Variants in FASTKD2 observed in about 807,000 individuals in gnomAD.
FASTKD2 encodes the protein FAST kinase domain-containing protein 2, mitochondrial.
A neutral mutation model predicts 63.6 loss-of-function variants in FASTKD2; 51 were observed. The observed-to-expected ratio is 0.80, with a 90% CI of 0.64 to 1.01. FASTKD2 has a LOEUF of 1.01. Among genes scored for constraint, FASTKD2 ranks in the 50% least tolerant of loss-of-function variants. The pLI is 0.00. For missense variants in FASTKD2, 786 were observed against 831.1 expected (o/e 0.95, Z 0.67); for synonymous variants, 284 against 293.4 (o/e 0.97, Z 0.33).
At chr2:206,775,325 A>C (rs1288866800) in intron 7 of FASTKD2, among the ~76,000 whole-genome samples, 1 of 131,096 alleles carries the variant, frequency 7.6e-6, no homozygotes, top group African/African-American at 3.0e-5. Flanking sequence ...TACTTTTACC[A>C]AATGCCTTTT....
At chr2:206,767,706 T>C (rs1219040389) in intron 2 of FASTKD2, among the ~76,000 whole-genome samples, 2 of 152,114 alleles carry the variant, frequency 1.3e-5, no homozygotes, top group South Asian at 2.1e-4. Context: ...CAGGGTTGAG[T>C]AGTGGTGAAG....
chr2:206,777,994 A>G (rs1689868306), intron 7 of FASTKD2, among the ~76,000 whole-genome samples: 2 of 151,508 alleles, frequency 1.3e-5, no homozygotes, highest in Non-Finnish European at 1.5e-5. Flanking sequence ...ATTGGTTTTT[A>G]TTTCTAGTTA....
chr2:206,771,199 A>G lies in FASTKD2; in HGVS notation c.899A>G (p.Gln300Arg), dbSNP rs777438143. 1 of 1,593,794 alleles carries G rather than the reference A, an allele frequency of 6.3e-7. No individual in the cohort carries two copies. The change falls in exon 4 of 12, where the codon CAA becomes CGA. Residue 300 changes from glutamine to arginine, a missense_variant. Coordinates refer to ENST00000402774, the MANE Select transcript of FASTKD2 (RefSeq NM_001136193.2). ...RTGFRILVDQ[Q>R]VWKIEDVFTL... ...GATAACAGAATACTAGTTGATCAGC[A>G]AGTTTGGAAAATAGAAGATGTCTTC...
In FASTKD2 at chr2:206,767,329, A is replaced by G. The variant is rs565809308; in HGVS notation, c.636A>G (p.Ala212=). 13 of 1,614,202 alleles carry G rather than the reference A, an allele frequency of 8.1e-6. No individual in the cohort carries two copies. The highest frequency in any genetic ancestry group is 1.1e-5 in the South Asian group (1 of 91,086). ...FEKRLMFSHP[A]FNQLCEHMMR... ...AACGACTGATGTTTAGCCACCCTGC[A>G]TTTAATCAGCTCTGTGAACATATGA... is the stretch of plus-strand genomic sequence containing the variant. Residue 212 remains alanine, a synonymous_variant, in exon 2 of 12, where the codon GCA becomes GCG. Coordinates refer to ENST00000402774, the MANE Select transcript of FASTKD2 (RefSeq NM_001136193.2).
intron 7 of FASTKD2, among the ~76,000 whole-genome samples, chr2:206,774,953 C>T (rs555488164): frequency 6.6e-6 from 1 of 152,112 alleles, no homozygotes; most frequent in Non-Finnish European, 1.5e-5. Context: ...ATCTCTGTTT[C>T]TATGACTGAC....
In FASTKD2 at chr2:206,788,986, A is replaced by G. The variant is rs186082272; in HGVS notation, c.1898+83A>G. ...GACTTCATATTAAATAGCAGTAGTA[A>G]ATCTAAGACTTGATGTTTGTATGGA... On this transcript the variant is annotated intron_variant, in intron 10 of 11. Coordinates refer to ENST00000402774, the MANE Select transcript of FASTKD2 (RefSeq NM_001136193.2). 1.1e-3 allele frequency: 824 copies of G among 772,428 alleles called. 6 individuals are homozygous for G. In the African/African-American group the frequency reaches 0.013, roughly 12 times the overall value. 47.8% of individuals were successfully genotyped at this position (772,428 alleles called of 1,614,324 possible).
At position 206,795,449 on chromosome 2, in the gene FASTKD2, G is replaced by T. The variant is rs1690423305; in HGVS notation, c.*3647G>T. On this transcript the variant is annotated 3_prime_UTR_variant, in exon 12 of 12. Coordinates refer to ENST00000402774, the MANE Select transcript of FASTKD2 (RefSeq NM_001136193.2). The stretch of plus-strand genomic sequence containing the variant: ...GGGTTTCACCATGTTAGCCAGGATG[G>T]TCTCGATCTCCTGACCTTGCGATCT... 1.3e-5 allele frequency among the ~76,000 whole-genome samples: 2 copies of T among 152,186 alleles called. No individual in the cohort carries two copies. The highest frequency in any genetic ancestry group is 2.4e-5 in the African/African-American group (1 of 41,450).
chr2:206,788,974 A>G, intron 10 of FASTKD2, 71 bp downstream of exon 10: 1 of 819,312 alleles, frequency 1.2e-6, no homozygotes, highest in African/African-American at 1.7e-5. Flanking sequence ...TTCATATTAA[A>G]TAGCAGTAGT....
At chr2:206,786,414 T>A (rs1690139814) in intron 7 of FASTKD2, among the ~76,000 whole-genome samples, 1 of 152,250 alleles carries the variant, frequency 6.6e-6, no homozygotes, top group Admixed American at 6.5e-5. Context: ...CTTCCTTGTC[T>A]GTGTGTTCTT....
At position 206,788,864 on chromosome 2, in the gene FASTKD2, T is replaced by C; in HGVS notation, c.1859T>C (p.Leu620Pro). Reference protein sequence around the residue: ...MDTNRNQVLPLSDVDTTSATD... With the variant: ...MDTNRNQVLPPSDVDTTSATD... ...ACTAACAGGAATCAAGTGCTACCAC[T>C]TTCTGATGTGGATACAACTTCTGCT... Residue 620 changes from leucine to proline, a missense_variant, in exon 10 of 12, where the codon CTT (leucine) becomes CCT (proline). By Grantham distance (98) the Leu-to-Pro change is moderately conservative. Coordinates refer to ENST00000402774, the MANE Select transcript of FASTKD2 (RefSeq NM_001136193.2). 7 of 1,587,402 alleles carry C rather than the reference T, an allele frequency of 4.4e-6. No individual in the cohort carries two copies. Among genetic ancestry groups the C allele is most frequent in the Non-Finnish European group, 5.2e-6 (6 of 1,156,064 alleles).
intron 7 of FASTKD2, among the ~76,000 whole-genome samples, chr2:206,782,243 G>A (rs900349235): frequency 3.9e-5 from 6 of 152,202 alleles, no homozygotes; most frequent in African/African-American, 7.2e-5. Flanking sequence ...GAGCTGTGCC[G>A]GCTTTGGGGA....
In FASTKD2 at chr2:206,765,641, T is replaced by G. The variant is rs1574658871; in HGVS notation, c.-157T>G. 4.8e-6 allele frequency: 3 copies of G among 624,616 alleles called. No individual in the cohort carries two copies. Among genetic ancestry groups the G allele is most frequent in the Non-Finnish European group, 6.1e-6 (3 of 489,106 alleles). 38.7% of individuals were successfully genotyped at this position (624,616 alleles called of 1,614,324 possible). ...TGGCTGCTCCTGTACGTAGTCACGG[T>G]CTTGTGCTCTAAGGTGAGTGGAGGA... On this transcript the variant is annotated 5_prime_UTR_variant, in exon 1 of 12. Coordinates refer to ENST00000402774, the MANE Select transcript of FASTKD2 (RefSeq NM_001136193.2).
rs750639388 is a variant in FASTKD2, at chr2:206,771,310, C to T, written c.990+20C>T. ...CTGGAGGTAAACACATGAATTTTCTCTAGTGGATGAGATTTGAAAAAATCT... is the reference window on the plus strand; with the variant it reads ...CTGGAGGTAAACACATGAATTTTCTTTAGTGGATGAGATTTGAAAAAATCT... On this transcript the variant is annotated intron_variant, in intron 4 of 11. Coordinates refer to ENST00000402774, the MANE Select transcript of FASTKD2 (RefSeq NM_001136193.2). 13 of 1,394,984 alleles carry T rather than the reference C, an allele frequency of 9.3e-6. No homozygotes were observed. The South Asian group carries it at 1.0e-4, about 11-fold the overall frequency. The allele number at this position is 1,394,984 out of a possible 1,614,324, so 86.4% of individuals were successfully genotyped here. A position where few individuals can be genotyped will look rare whatever the true frequency, so the allele number is the denominator to read the frequency against.
intron 11 of FASTKD2, 120 bp downstream of exon 11, chr2:206,790,806 T>C: frequency 1.3e-6 from 1 of 743,216 alleles, no homozygotes; most frequent in Middle Eastern, 2.4e-4. Context: ...ATTATTGGAA[T>C]GAGTGCTTTA....
chr2:206,774,309 G>T lies in FASTKD2; in HGVS notation c.1339G>T (p.Asp447Tyr), dbSNP rs754147199. 6.2e-7 allele frequency: 1 copy of T among 1,603,672 alleles called. No individual in the cohort carries two copies. Among genetic ancestry groups the T allele is most frequent in the Non-Finnish European group, 8.5e-7 (1 of 1,171,156 alleles). The change falls in exon 7 of 12, where the codon GAT becomes TAT. Residue 447 changes from aspartate to tyrosine, a missense_variant. Transcript: ENST00000402774. ...MDLFMKRIVE[D>Y]PESLNMKNIL... ...CCTGTTTATGAAGAGAATAGTAGAG[G>T]ATCCTGAATCCCTAAACATGAAAAA... is the stretch of plus-strand genomic sequence containing the variant.
rs201816518 is a variant in FASTKD2 at position 206,766,756 on chromosome 2, G to A, written c.63G>A (p.Ala21=). 4.7e-5 allele frequency: 76 copies of A among 1,613,854 alleles called. No homozygotes were observed. Among genetic ancestry groups the A allele is most frequent in the Middle Eastern group, 1.7e-4 (1 of 6,060 alleles). The change falls in exon 2 of 12, where the codon GCG becomes GCA. Residue 21 remains alanine, a synonymous_variant. Coordinates refer to ENST00000402774, the MANE Select transcript of FASTKD2 (RefSeq NM_001136193.2). ...VSVESKMNNK[A]GSFFWNLRQF... is the part of the protein sequence containing the mutation. ...TGGAGAGCAAAATGAATAACAAAGC[G>A]GGCTCCTTTTTCTGGAACCTTAGAC...
At position 206,789,149 on chromosome 2, in the gene FASTKD2, A is replaced by G. The variant is rs181947502; in HGVS notation, c.1898+246A>G. The G allele has an allele frequency of 9.4e-4, 448 of 477,666 alleles. 5 individuals are homozygous for G. The East Asian group carries it at 0.015, about 17-fold the overall frequency. The allele number at this position is 477,666 out of a possible 1,614,324, so 29.6% of individuals were successfully genotyped here. A position where few individuals can be genotyped will look rare whatever the true frequency, so the allele number is the denominator to read the frequency against. Reference sequence around the variant, plus strand: ...GACATTTTTTTAAAATTAGGTTTTGAAGCTATAGTTCAATAAAACAATATT... The same window carrying G: ...GACATTTTTTTAAAATTAGGTTTTGGAGCTATAGTTCAATAAAACAATATT... On this transcript the variant is annotated intron_variant, in intron 10 of 11. Coordinates refer to ENST00000402774, the MANE Select transcript of FASTKD2 (RefSeq NM_001136193.2).
At chr2:206,788,677 A>C (rs1690199848) in intron 9 of FASTKD2, 142 bp from the exon 10 acceptor site, 1 of 622,818 alleles carries the variant, frequency 1.6e-6, no homozygotes, top group Non-Finnish European at 2.8e-6. Flanking sequence ...TGCTGCAGTG[A>C]GCTGAGATCA....
At chr2:206,769,610 C>T (rs1228277991) in intron 2 of FASTKD2, among the ~76,000 whole-genome samples, 2 of 152,272 alleles carry the variant, frequency 1.3e-5, no homozygotes, top group Non-Finnish European at 1.5e-5. Context: ...AGAAGACTCA[C>T]AAGTAAAGTT....
Sources: allele counts gnomAD v4.1 joint callset (sites outside exome capture counted in the v4.1 genomes callset), GRCh38; gene constraint gnomAD v4.1.1; transcripts MANE v1.5; gene names NCBI Gene and HGNC (gene_info 2026-07-23, HGNC 2026-07-21).